The following CCNB1 variants were observed in gnomAD, a reference collection of about 807,000 sequenced individuals.
CCNB1 encodes G2/mitotic-specific cyclin-B1.
CCNB1 carries 26 observed loss-of-function variants against 44.4 expected under a neutral mutation model. That is an observed-to-expected ratio of 0.59 (90% confidence interval 0.43 to 0.81). CCNB1 has a LOEUF of 0.81. Ranked by LOEUF, CCNB1 falls within the 40% of genes least tolerant of loss-of-function variation. The pLI, the probability that CCNB1 is intolerant of heterozygous loss-of-function variation, is 0.00. For missense variants in CCNB1, 477 were observed against 520.9 expected, an observed-to-expected ratio of 0.92 and a Z score of 0.82; for synonymous variants, 195 against 181.4, an observed-to-expected ratio of 1.08 and a Z score of -0.60.
chr5:69,177,550 G>A lies in CCNB1; in HGVS notation c.1221G>A (p.Ser407=), dbSNP rs760563473. 2.4e-5 allele frequency: 39 copies of A among 1,612,574 alleles called. No individual in the cohort carries two copies. Among genetic ancestry groups the A allele is most frequent in the Admixed American group, 6.7e-5 (4 of 59,886 alleles). The change falls in exon 9 of 9, where the codon TCG becomes TCA. Residue 407 remains serine (S), a synonymous_variant. Transcript: ENST00000256442. Reference sequence around the variant, plus strand: ...CTGTCAAGAACAAGTATGCCACATCGAAGCATGCTAAGATCAGCACTCTAC... The same window carrying A: ...CTGTCAAGAACAAGTATGCCACATCAAAGCATGCTAAGATCAGCACTCTAC... ...HMTVKNKYAT[S]KHAKISTLPQ... is the part of the protein sequence containing the mutation.
intron 1 of CCNB1, 184 bp downstream of exon 1, chr5:69,167,467 G>T (rs775263955): frequency 4.5e-5 from 27 of 603,598 alleles, no homozygotes; most frequent in Non-Finnish European, 6.5e-5. Flanking sequence ...TGTGGGGGAC[G>T]ATGGATGGAG....
intron 7 of CCNB1, among the ~76,000 whole-genome samples, chr5:69,176,402 G>A (rs1352543646): frequency 6.6e-6 from 1 of 151,814 alleles, no homozygotes; most frequent in Admixed American, 6.6e-5. Context: ...TGTCGCCCAG[G>A]CTGGAGAGCA....
intron 3 of CCNB1, among the ~76,000 whole-genome samples, chr5:69,168,931 G>A (rs548098306): frequency 1.3e-5 from 2 of 152,282 alleles, no homozygotes; most frequent in South Asian, 4.1e-4. Context: ...TAAATATAAG[G>A]TATGTAAATG....
At chr5:69,171,728 C>T (rs955951587) in intron 4 of CCNB1, among the ~76,000 whole-genome samples, 2 of 151,996 alleles carry the variant, frequency 1.3e-5, no homozygotes, top group South Asian at 2.1e-4. Flanking sequence ...TGTATATATG[C>T]GATCTCCACC....
chr5:69,174,621 C>T (rs1747539065), intron 5 of CCNB1, among the ~76,000 whole-genome samples: 1 of 151,898 alleles, frequency 6.6e-6, no homozygotes, highest in African/African-American at 2.4e-5. Context: ...TGGTGGCGGG[C>T]GCCTGTAGTC....
At chr5:69,169,107 G>A (rs1476846877) in intron 3 of CCNB1, among the ~76,000 whole-genome samples, 3 of 152,124 alleles carry the variant, frequency 2.0e-5, no homozygotes, top group Admixed American at 1.3e-4. Flanking sequence ...GTCTGGCTCT[G>A]TTGCCCAGGC....
Position 69,168,299 on chromosome 5 carries a change from C to G in CCNB1, c.319C>G (p.Pro107Ala), listed in dbSNP as rs760811100. Residue 107 changes from proline to alanine, a missense_variant, in exon 3 of 9, where the codon CCT becomes GCT. Pro to Ala is a conservative substitution (Grantham distance 27). Coordinates refer to ENST00000256442, the MANE Select transcript of CCNB1 (RefSeq NM_031966.4). ...GCCAGAGCCAGAACCTGAGCCAGAA[C>G]CTGAGCCTGTTAAAGAAGAAAAACT... ...PVPEPEPEPE[P>A]EPVKEEKLSP... is the part of the protein sequence containing the mutation. 3 of 1,613,948 alleles carry G rather than the reference C, an allele frequency of 1.9e-6. No homozygotes were observed. Among genetic ancestry groups the G allele is most frequent in the African/African-American group, 2.7e-5 (2 of 74,904 alleles).
At chr5:69,169,034 G>T (rs982447252) in intron 3 of CCNB1, among the ~76,000 whole-genome samples, 2 of 152,128 alleles carry the variant, frequency 1.3e-5, no homozygotes, top group African/African-American at 4.8e-5. Context: ...CTGAAGCTCT[G>T]TTTTTTTAAA....
At chr5:69,173,469 A>G (rs919714961) in intron 4 of CCNB1, among the ~76,000 whole-genome samples, 1 of 152,200 alleles carries the variant, frequency 6.6e-6, no homozygotes, top group South Asian at 2.1e-4. Context: ...TTGAATTAGT[A>G]TTTAAAATAA....
rs764936610 is a variant in CCNB1, at chr5:69,177,570, C to T, written c.1241C>T (p.Thr414Ile). 1.9e-6 allele frequency: 3 copies of T among 1,613,802 alleles called. No homozygotes were observed. The highest frequency in any genetic ancestry group is 2.5e-6 in the Non-Finnish European group (3 of 1,179,704). Residue 414 changes from threonine (T) to isoleucine (I), a missense_variant, in exon 9 of 9, where the codon ACT becomes ATT. Transcript: ENST00000256442. ...ACATCGAAGCATGCTAAGATCAGCA[C>T]TCTACCACAGCTGAATTCTGCACTA... ...YATSKHAKIS[T>I]LPQLNSALVQ...
chr5:69,168,152 T>G (rs1738765584), intron 2 of CCNB1, 21 bp from the exon 3 acceptor site: 1 of 1,612,144 alleles, frequency 6.2e-7, no homozygotes, highest in Non-Finnish European at 8.5e-7. Flanking sequence ...AAACATTTCA[T>G]TCTCTCTGTT....
At chr5:69,172,825 G>A in intron 4 of CCNB1, among the ~76,000 whole-genome samples, 1 of 131,110 alleles carries the variant, frequency 7.6e-6, no homozygotes, top group African/African-American at 2.9e-5. Flanking sequence ...CTAGGCTGGT[G>A]TGCAGTGGCA....
intron 4 of CCNB1, among the ~76,000 whole-genome samples, chr5:69,172,746 T>G (rs1747490601): frequency 6.6e-6 from 1 of 151,754 alleles, no homozygotes; most frequent in South Asian, 2.1e-4. Context: ...TTTGGAGGAT[T>G]CAATTTAGTA....
chr5:69,168,115 G>A (rs201224572), intron 2 of CCNB1, 37 bp downstream of exon 2: 239 of 1,610,632 alleles, frequency 1.5e-4, no homozygotes, highest in African/African-American at 8.0e-4. Context: ...GTAAGAGCCC[G>A]CCTTCCAACT....
At chr5:69,177,501 A>C in intron 8 of CCNB1, 23 bp from the exon 9 acceptor site, 1 of 1,528,056 alleles carries the variant, frequency 6.5e-7, no homozygotes. Context: ...TGCCTCTTTA[A>C]TTGCTATCTT....
intron 7 of CCNB1, among the ~76,000 whole-genome samples, chr5:69,175,982 AATATATATAT>A (rs68140968): frequency 0.18 from 20,908 of 116,358 alleles, 2,049 homozygotes; most frequent in African/African-American, 0.27. Flanking sequence ...AAATATATAA[AATATATATAT>A]ATATATATAT....
chr5:69,175,227 A>G, intron 6 of CCNB1, 114 bp downstream of exon 6: 1 of 1,033,722 alleles, frequency 9.7e-7, no homozygotes, highest in Admixed American at 2.1e-5. Context: ...TGGGGAAGGG[A>G]TAAAGTTGTT....
rs756777624 is a variant in CCNB1 at position 69,175,443 on chromosome 5, C to T, written c.989C>T (p.Thr330Ile). The part of the protein sequence containing the change: ...HTLAKYLMEL[T>I]MLDYDMVHFP... ...TTGGCCAAATACCTGATGGAACTAA[C>T]TATGTTGGACTATGACATGGTGCAC... The change falls in exon 7 of 9, where the codon ACT (threonine) becomes ATT (isoleucine). Residue 330 changes from threonine to isoleucine, a missense_variant. Transcript: ENST00000256442. The T allele has an allele frequency of 1.9e-6, 3 of 1,613,690 alleles. No individual in the cohort carries two copies. Among genetic ancestry groups the T allele is most frequent in the Admixed American group, 1.7e-5 (1 of 59,980 alleles).
chr5:69,175,982 A>AATGTATATATATATATATATATATAT (rs1747577650), intron 7 of CCNB1, among the ~76,000 whole-genome samples: 1 of 116,408 alleles, frequency 8.6e-6, no homozygotes, highest in African/African-American at 3.4e-5. Context: ...AAATATATAA[A>AATGTATATATATATATATATATATAT]ATATATATAT....
Sources: allele counts gnomAD v4.1 joint callset (sites outside exome capture counted in the v4.1 genomes callset), GRCh38; gene constraint gnomAD v4.1.1; transcripts MANE v1.5; gene names NCBI Gene and HGNC (gene_info 2026-07-23, HGNC 2026-07-21).